GABRG3: variants seen among roughly 807,000 people sequenced by gnomAD.
GABRG3 encodes the protein gamma-aminobutyric acid receptor subunit gamma-3.
In GABRG3, 25 loss-of-function variants were observed where a neutral mutation model predicts 48.8. The ratio of observed to expected loss-of-function variants is 0.51; its 90% CI spans 0.37 to 0.72. GABRG3 has a LOEUF of 0.72. GABRG3 is among the 30% of genes least tolerant of loss of function. GABRG3 has a pLI of 0.00. For missense variants in GABRG3, 394 were observed against 577.9 expected (o/e 0.68, Z 3.26); for synonymous variants, 227 against 217.6 (o/e 1.04, Z -0.38).
At chr15:27,134,491 G>C (rs1247502239) in intron 3 of GABRG3, among the ~76,000 whole-genome samples, 3 of 152,140 alleles carry the variant, frequency 2.0e-5, no homozygotes, top group South Asian at 2.1e-4. Context: ...AGCCTCCTCT[G>C]TTTGGCTTCT....
At chr15:27,526,127 G>T (rs1420869170) in intron 7 of GABRG3, among the ~76,000 whole-genome samples, 1 of 152,104 alleles carries the variant, frequency 6.6e-6, no homozygotes, top group Non-Finnish European at 1.5e-5. Context: ...TTCAAAGATG[G>T]TAAGTGACTC....
At chr15:27,251,059 G>A (rs370863036) in intron 3 of GABRG3, among the ~76,000 whole-genome samples, 42 of 152,288 alleles carry the variant, frequency 2.8e-4, no homozygotes, top group Admixed American at 1.6e-3. Flanking sequence ...TAGCTCTGAC[G>A]TGAATCGACT....
rs199594366 is a variant in GABRG3 at position 27,306,362 on chromosome 15, C to CAT, written c.271-20439_271-20438dup. Among the ~76,000 whole-genome samples, 3 of 135,980 alleles carry CAT rather than the reference C, an allele frequency of 2.2e-5. No individual in the cohort carries two copies. In the South Asian group the frequency reaches 7.0e-4, roughly 32 times the overall value. 89.2% of individuals were successfully genotyped at this position (135,980 alleles called of 152,430 possible). A position where few individuals can be genotyped will look rare whatever the true frequency, so the allele number is the denominator to read the frequency against. ...AAATATAAACATGTCTACATATAAA[C>CAT]ATATATATAATATAAACATGTCTAC... On this transcript the variant is annotated intron_variant, in intron 3 of 9. Transcript: ENST00000615808.
intron 3 of GABRG3, among the ~76,000 whole-genome samples, chr15:27,306,158 CCT>C (rs1445083538): frequency 8.2e-6 from 1 of 121,406 alleles, no homozygotes; most frequent in African/African-American, 3.2e-5. Flanking sequence ...ATAATATAAA[CCT>C]ATATGTTTAT....
chr15:27,084,594 A>G (rs1053403913), intron 3 of GABRG3, among the ~76,000 whole-genome samples: 2 of 152,248 alleles, frequency 1.3e-5, no homozygotes, highest in Admixed American at 1.3e-4. Flanking sequence ...AGAGTCAGAG[A>G]ACCTTCTGGA....
At position 27,527,608 on chromosome 15, in the gene GABRG3, C is replaced by A. The variant is rs2150864910; in HGVS notation, c.1041C>A (p.Thr347=). Residue 347 remains threonine (T), a synonymous_variant, in exon 8 of 10, where the codon ACC becomes ACA. Transcript: ENST00000615808. ...ACTATTCCAGCTGTAGAAAACCAAC[C>A]ACCACGAAGAAGACAACATCGGTGA... is the stretch of plus-strand genomic sequence containing the variant. ...LNYYSSCRKP[T]TTKKTTSLLH... is the part of the protein sequence containing the mutation. 1 of 1,611,442 alleles carries A rather than the reference C, an allele frequency of 6.2e-7. No individual in the cohort carries two copies. The highest frequency in any genetic ancestry group is 8.5e-7 in the Non-Finnish European group (1 of 1,178,628).
intron 7 of GABRG3, among the ~76,000 whole-genome samples, chr15:27,527,017 C>T (rs958761067): frequency 5.9e-5 from 9 of 151,942 alleles, no homozygotes; most frequent in African/African-American, 9.7e-5. Context: ...GTGCTGGAGC[C>T]GGGTCTTCAA....
At chr15:27,227,524 A>G (rs1336719812) in intron 3 of GABRG3, among the ~76,000 whole-genome samples, 3 of 151,882 alleles carry the variant, frequency 2.0e-5, no homozygotes, top group Non-Finnish European at 2.9e-5. Flanking sequence ...GTAATAAAAT[A>G]TATATTTTTT....
At chr15:27,093,139 G>A (rs570373239) in intron 3 of GABRG3, among the ~76,000 whole-genome samples, 1 of 152,230 alleles carries the variant, frequency 6.6e-6, no homozygotes, top group South Asian at 2.1e-4. Context: ...CTGGGCACCT[G>A]AGGCTTGAAG....
At chr15:27,308,167 T>TACATCCAAACATATATAAAC (rs1892765656) in intron 3 of GABRG3, among the ~76,000 whole-genome samples, 4 of 21,284 alleles carry the variant, frequency 1.9e-4, no homozygotes, top group Admixed American at 7.1e-4. Context: ...TATAAACATA[T>TACATCCAAACATATATAAAC]ATGTTTATAT....
rs1566809470 is a variant in GABRG3 at position 27,369,634 on chromosome 15, T to TGAAACCCC, written c.574+40747_574+40748insAAACCCCG. On this transcript the variant is annotated intron_variant, in intron 5 of 9. Coordinates refer to ENST00000615808, the MANE Select transcript of GABRG3 (RefSeq NM_033223.5). The stretch of plus-strand genomic sequence containing the variant: ...AGATCGAGACCATCCTGGCTGACAC[T>TGAAACCCC]GTCTCTACTAAAAATACAAAAAATT... 5.9e-5 allele frequency among the ~76,000 whole-genome samples: 9 copies of TGAAACCCC among 151,694 alleles called. No homozygotes were observed. The East Asian group carries it at 1.2e-3, about 20-fold the overall frequency.
chr15:27,438,221 G>T (rs1037543998), intron 5 of GABRG3, among the ~76,000 whole-genome samples: 1 of 152,138 alleles, frequency 6.6e-6, no homozygotes, highest in Admixed American at 6.5e-5. Flanking sequence ...AATAGCGTGG[G>T]ATTATTTAAC....
chr15:27,508,782 C>A (rs192291464), intron 6 of GABRG3, among the ~76,000 whole-genome samples: 1 of 151,956 alleles, frequency 6.6e-6, no homozygotes, highest in Non-Finnish European at 1.5e-5. Flanking sequence ...GGCGTGATCT[C>A]GGCTCACTGC....
chr15:27,440,269 A>G (rs1158894481), intron 5 of GABRG3, among the ~76,000 whole-genome samples: 1 of 152,204 alleles, frequency 6.6e-6, no homozygotes, highest in African/African-American at 2.4e-5. Context: ...TGCGGAGGAT[A>G]TTCCTGAGCC....
At chr15:27,381,330 CCCT>C (rs773364072) in intron 5 of GABRG3, among the ~76,000 whole-genome samples, 6 of 152,182 alleles carry the variant, frequency 3.9e-5, no homozygotes, top group Non-Finnish European at 8.8e-5. Flanking sequence ...GTTTCTTATT[CCCT>C]CCTCCTTCTG....
At position 27,416,160 on chromosome 15, in the gene GABRG3, T is replaced by A. The variant is rs150316955; in HGVS notation, c.575-64490T>A. Among the ~76,000 whole-genome samples the A allele has an allele frequency of 3.9e-4, 60 of 152,320 alleles. 1 individual carries two copies. In the East Asian group the frequency reaches 0.011, roughly 29 times the overall value. On this transcript the variant is annotated intron_variant, in intron 5 of 9. Coordinates refer to ENST00000615808, the MANE Select transcript of GABRG3 (RefSeq NM_033223.5). ...ATGTCAAACTGTGCCTATTAGAATGTCTTGTACTTTTTTCTTCATAGTCAG... is the reference window on the plus strand; with the variant it reads ...ATGTCAAACTGTGCCTATTAGAATGACTTGTACTTTTTTCTTCATAGTCAG...
At chr15:27,085,514 A>T (rs1413237793) in intron 3 of GABRG3, among the ~76,000 whole-genome samples, 1 of 152,240 alleles carries the variant, frequency 6.6e-6, no homozygotes, top group Non-Finnish European at 1.5e-5. Context: ...ATATTTGTAT[A>T]GTTACTGCAA....
At chr15:27,251,759 A>T (rs1890462567) in intron 3 of GABRG3, among the ~76,000 whole-genome samples, 1 of 152,154 alleles carries the variant, frequency 6.6e-6, no homozygotes, top group South Asian at 2.1e-4. Context: ...TTGGTTCTGT[A>T]GGGGGAAATG....
chr15:27,315,195 A>G (rs1893170218), intron 3 of GABRG3, among the ~76,000 whole-genome samples: 2 of 152,210 alleles, frequency 1.3e-5, no homozygotes, highest in Non-Finnish European at 2.9e-5. Flanking sequence ...AAAGCAAACT[A>G]TAAGGTGAAG....
Sources: allele counts gnomAD v4.1 joint callset (sites outside exome capture counted in the v4.1 genomes callset), GRCh38; gene constraint gnomAD v4.1.1; transcripts MANE v1.5; gene names NCBI Gene and HGNC (gene_info 2026-07-23, HGNC 2026-07-21).